ADAMTS12: variants seen among roughly 807,000 people sequenced by gnomAD.
ADAMTS12 encodes the protein A disintegrin and metalloproteinase with thrombospondin motifs 12.
Under a neutral mutation model 167.8 loss-of-function variants are expected in ADAMTS12, and 118 were observed. That is an observed-to-expected ratio of 0.70 (90% confidence interval 0.61 to 0.82). ADAMTS12 has a LOEUF of 0.82. Among genes scored for constraint, ADAMTS12 ranks in the 40% least tolerant of loss-of-function variants. ADAMTS12 has a pLI of 0.00. For synonymous variants in ADAMTS12, 704 were observed against 716.9 expected, an observed-to-expected ratio of 0.98 and a Z score of 0.29; for missense variants, 1,916 against 1,998.8, an observed-to-expected ratio of 0.96 and a Z score of 0.79.
At chr5:33,806,689 G>T (rs914408821) in intron 2 of ADAMTS12, among the ~76,000 whole-genome samples, 1 of 152,148 alleles carries the variant, frequency 6.6e-6, no homozygotes, top group African/African-American at 2.4e-5. Flanking sequence ...TTAGATTCTA[G>T]ATCTTCTAAA....
chr5:33,742,330 T>A (rs1247473423), intron 3 of ADAMTS12, among the ~76,000 whole-genome samples: 1 of 134,750 alleles, frequency 7.4e-6, no homozygotes, highest in African/African-American at 2.8e-5. Flanking sequence ...TCCTTCCCCG[T>A]AAAAAAAAAA....
Position 33,802,900 on chromosome 5 carries a change from T to C in ADAMTS12, c.490-51352A>G, listed in dbSNP as rs111782790. On this transcript the variant is annotated intron_variant, in intron 2 of 23. Transcript: ENST00000504830. ...CGGCAAAAGTCTGTTTATTCCTTCA[T>C]GTAAGAAATGCTTACTGAGGAACTC... Among the ~76,000 whole-genome samples, 6 of 152,340 alleles carry C rather than the reference T, an allele frequency of 3.9e-5. 1 individual carries two copies. The highest frequency in any genetic ancestry group is 1.4e-4 in the African/African-American group (6 of 41,568).
chr5:33,703,032 C>T lies in ADAMTS12; in HGVS notation c.635-18977G>A, dbSNP rs1743059047. Among the ~76,000 whole-genome samples the T allele has an allele frequency of 2.0e-5, 3 of 152,164 alleles. 1 individual carries two copies. In the South Asian group the frequency reaches 6.2e-4, roughly 32 times the overall value. On this transcript the variant is annotated intron_variant, in intron 3 of 23. Transcript: ENST00000504830. ...TACCCCACTCCTCAAACTTGAATAC[C>T]TTGAATCGTACCATTGAGATTCTAT...
chr5:33,709,303 C>T (rs1743309765), intron 3 of ADAMTS12, among the ~76,000 whole-genome samples: 1 of 152,166 alleles, frequency 6.6e-6, no homozygotes, highest in African/African-American at 2.4e-5. Flanking sequence ...GGTGATTCCT[C>T]AAAGACCTAG....
At chr5:33,727,947 C>T (rs150119710) in intron 3 of ADAMTS12, among the ~76,000 whole-genome samples, 86 of 152,330 alleles carry the variant, frequency 5.6e-4, no homozygotes, top group African/African-American at 1.9e-3. Context: ...TCACACTCTA[C>T]GCTCAGCATC....
At chr5:33,774,775 C>T (rs1745858571) in intron 2 of ADAMTS12, among the ~76,000 whole-genome samples, 1 of 152,200 alleles carries the variant, frequency 6.6e-6, no homozygotes, top group Admixed American at 6.5e-5. Context: ...GCCTGTCTTT[C>T]ATTAACTGTT....
chr5:33,703,753 T>A (rs1268062806), intron 3 of ADAMTS12, among the ~76,000 whole-genome samples: 1 of 152,188 alleles, frequency 6.6e-6, no homozygotes, highest in Non-Finnish European at 1.5e-5. Context: ...TAAGGGTGAA[T>A]GGTAAATTAA....
rs1202070809 is a variant in ADAMTS12 at position 33,665,972 on chromosome 5, C to T, written c.916-3932G>A. Among the ~76,000 whole-genome samples the T allele has an allele frequency of 2.6e-5, 4 of 152,314 alleles. No homozygotes were observed. In the South Asian group the frequency reaches 6.2e-4, roughly 24 times the overall value. On this transcript the variant is annotated intron_variant, in intron 5 of 23. Transcript: ENST00000504830. ...GCATATGCCATAAATGACTTTGTAA[C>T]TTTACTTCATCCTCTCCATTTACAT...
chr5:33,693,913 A>T (rs1011731090), intron 3 of ADAMTS12, among the ~76,000 whole-genome samples: 4 of 152,224 alleles, frequency 2.6e-5, no homozygotes, highest in Non-Finnish European at 2.9e-5. Context: ...TTCTATACCT[A>T]GAAAACCCCA....
intron 16 of ADAMTS12, among the ~76,000 whole-genome samples, chr5:33,611,019 C>T (rs995077882): frequency 2.6e-5 from 4 of 151,882 alleles, no homozygotes; most frequent in East Asian, 1.9e-4. Context: ...GAGCCAAGAT[C>T]GTGCCATCCC....
At chr5:33,873,578 T>TA (rs1750120822) in intron 2 of ADAMTS12, among the ~76,000 whole-genome samples, 1 of 152,184 alleles carries the variant, frequency 6.6e-6, no homozygotes, top group African/African-American at 2.4e-5. Flanking sequence ...CTAAAATTTA[T>TA]ATGGAGAGTC....
At chr5:33,709,224 G>A (rs1743305902) in intron 3 of ADAMTS12, among the ~76,000 whole-genome samples, 2 of 152,150 alleles carry the variant, frequency 1.3e-5, no homozygotes, top group South Asian at 2.1e-4. Flanking sequence ...TGAGGCTGTG[G>A]AGAAATAGGA....
At chr5:33,546,919 G>T (rs1745011367) in intron 21 of ADAMTS12, among the ~76,000 whole-genome samples, 1 of 151,778 alleles carries the variant, frequency 6.6e-6, no homozygotes, top group African/African-American at 2.4e-5. Flanking sequence ...ATAACAATAA[G>T]ATAATTATGG....
chr5:33,617,756 C>T (rs1288934282), intron 14 of ADAMTS12, among the ~76,000 whole-genome samples: 1 of 151,904 alleles, frequency 6.6e-6, no homozygotes, highest in Non-Finnish European at 1.5e-5. Flanking sequence ...GTGTCTACCA[C>T]CTTGCTCCTT....
intron 3 of ADAMTS12, among the ~76,000 whole-genome samples, chr5:33,696,810 C>T (rs1411319023): frequency 6.6e-6 from 1 of 152,228 alleles, no homozygotes; most frequent in East Asian, 1.9e-4. Context: ...ACAAACCAGT[C>T]TTGGCTTCAC....
Position 33,686,932 on chromosome 5 carries a change from T to TAGAG in ADAMTS12, c.635-2878_635-2877insCTCT, listed in dbSNP as rs748993264. ...TATATATAGGCACTGAATATATATA[T>TAGAG]ATATAGAGAGAGAGAGAGAGAGAGC... On this transcript the variant is annotated intron_variant, in intron 3 of 23. Coordinates refer to ENST00000504830, the MANE Select transcript of ADAMTS12 (RefSeq NM_030955.4). 5.2e-3 allele frequency among the ~76,000 whole-genome samples: 670 copies of TAGAG among 129,806 alleles called. 7 individuals are homozygous for TAGAG. The highest frequency in any genetic ancestry group is 0.016 in the South Asian group (46 of 2,934). The allele number at this position is 129,806 out of a possible 152,430, so 85.2% of individuals were successfully genotyped here.
chr5:33,595,284 C>T (rs1747864633), intron 17 of ADAMTS12, among the ~76,000 whole-genome samples: 1 of 152,146 alleles, frequency 6.6e-6, no homozygotes, highest in Non-Finnish European at 1.5e-5. Context: ...ATCTCTATAA[C>T]AGTGGCTGTC....
intron 19 of ADAMTS12, among the ~76,000 whole-genome samples, chr5:33,563,396 C>G (rs1745842537): frequency 6.6e-6 from 1 of 152,182 alleles, no homozygotes; most frequent in South Asian, 2.1e-4. Context: ...TTCCAGTTCT[C>G]AAGAGTTGGT....
At chr5:33,572,140 T>C (rs1011472627) in intron 19 of ADAMTS12, among the ~76,000 whole-genome samples, 2 of 152,096 alleles carry the variant, frequency 1.3e-5, no homozygotes, top group African/African-American at 2.4e-5. Context: ...CAGGACCAGA[T>C]GGATTCACAG....
Sources: allele counts gnomAD v4.1 joint callset (sites outside exome capture counted in the v4.1 genomes callset), GRCh38; gene constraint gnomAD v4.1.1; transcripts MANE v1.5; gene names NCBI Gene and HGNC (gene_info 2026-07-23, HGNC 2026-07-21).